Variants in SAP130 observed in about 807,000 individuals in gnomAD.
SAP130 encodes the protein histone deacetylase complex subunit SAP130.
Under a neutral mutation model 103.2 loss-of-function variants are expected in SAP130, and 16 were observed. That is an observed-to-expected ratio of 0.16 (90% CI 0.10 to 0.24). The LOEUF is 0.24. Among genes scored for constraint, SAP130 ranks in the 10% least tolerant of loss-of-function variants. SAP130 has a pLI of 1.00. For missense variants in SAP130, 990 were observed against 1,359.7 expected (o/e 0.73, Z 4.28); for synonymous variants, 477 against 497.0 (o/e 0.96, Z 0.53).
chr2:127,985,236 C>T (rs1015389147), intron 14 of SAP130, among the ~76,000 whole-genome samples: 2 of 152,178 alleles, frequency 1.3e-5, no homozygotes, highest in Non-Finnish European at 2.9e-5. Context: ...CAAGCTTTGC[C>T]TTGTGTTTTT....
At chr2:127,979,880 C>CTT (rs754881410) in intron 14 of SAP130, among the ~76,000 whole-genome samples, 7 of 139,230 alleles carry the variant, frequency 5.0e-5, no homozygotes, top group Admixed American at 7.2e-5. Flanking sequence ...AAATTTTTTT[C>CTT]TTTTTTTTTT....
chr2:128,017,183 G>A (rs1213026594), intron 3 of SAP130, among the ~76,000 whole-genome samples: 1 of 152,094 alleles, frequency 6.6e-6, no homozygotes, highest in Non-Finnish European at 1.5e-5. Flanking sequence ...TTAGCCAGGC[G>A]TAGTGACGTG....
intron 2 of SAP130, among the ~76,000 whole-genome samples, chr2:128,022,660 G>A (rs560514935): frequency 6.6e-6 from 1 of 152,248 alleles, no homozygotes; most frequent in South Asian, 2.1e-4. Context: ...TCTACTGGAT[G>A]TGCAGTAGTT....
In SAP130 at chr2:127,941,678, TAC is replaced by T. The variant is rs1372384783; in HGVS notation, c.*326_*327del. On this transcript the variant is annotated 3_prime_UTR_variant, in exon 21 of 21. Transcript: ENST00000643581. Reference sequence around the variant, plus strand: ...GGCCTGCAGGAATCCACTAGATAAATACAGTCTATAAACCGGAAGGCTGAAAA... The same window carrying T: ...GGCCTGCAGGAATCCACTAGATAAATAGTCTATAAACCGGAAGGCTGAAAA... 3.2e-6 allele frequency: 1 copy of T among 310,738 alleles called. No homozygotes were observed. Among genetic ancestry groups the T allele is most frequent in the South Asian group, 3.9e-5 (1 of 25,682 alleles). The allele number at this position is 310,738 out of a possible 1,614,324, so 19.2% of individuals were successfully genotyped here. A position where few individuals can be genotyped will look rare whatever the true frequency, so the allele number is the denominator to read the frequency against.
rs746529480 is a variant in SAP130, at chr2:127,986,744, C to G, written c.1958+41G>C. On this transcript the variant is annotated intron_variant, in intron 14 of 20. Transcript: ENST00000643581. This position sits in a 1 kb window ranked among gnomAD's most constrained non-coding sequence, Gnocchi z 4.7. ...GCCTATTATGTATACCAGTTATATC[C>G]AGAACCAGAGGTGTCATTCGGCACT... is the stretch of plus-strand genomic sequence containing the variant. 2.5e-6 allele frequency: 4 copies of G among 1,593,804 alleles called. No individual in the cohort carries two copies. Among genetic ancestry groups the G allele is most frequent in the Non-Finnish European group, 2.6e-6 (3 of 1,164,736 alleles).
At chr2:128,012,834 A>T (rs1398159839) in intron 6 of SAP130, among the ~76,000 whole-genome samples, 196 bp downstream of exon 6, 2 of 151,306 alleles carry the variant, frequency 1.3e-5, no homozygotes, top group Non-Finnish European at 2.9e-5. Flanking sequence ...TCGTTAGCAC[A>T]GCCTTTCCAA....
In SAP130 at chr2:127,986,757, G is replaced by A. The variant is rs776479486; in HGVS notation, c.1958+28C>T. The A allele has an allele frequency of 4.4e-6, 7 of 1,605,186 alleles. No homozygotes were observed. Among genetic ancestry groups the A allele is most frequent in the African/African-American group, 2.7e-5 (2 of 74,768 alleles). The stretch of plus-strand genomic sequence containing the variant: ...ACCAGTTATATCCAGAACCAGAGGT[G>A]TCATTCGGCACTACCAGGTCTACTC... On this transcript the variant is annotated intron_variant, in intron 14 of 20. Transcript: ENST00000643581. This position sits in a 1 kb window ranked among gnomAD's most constrained non-coding sequence, Gnocchi z 4.7.
chr2:128,003,126 A>C (rs1683690417), intron 7 of SAP130, among the ~76,000 whole-genome samples: 1 of 146,614 alleles, frequency 6.8e-6, no homozygotes, highest in South Asian at 2.2e-4. Flanking sequence ...AGAGGGTCTC[A>C]AAAAAAAAAA....
In SAP130 at chr2:127,996,554, T is replaced by C; in HGVS notation, c.1214-63A>G. ...ACTTTTTTTTGGCATGCCAAAACAT[T>C]CTTGGCTAGCAGCAATCTTAGGAAA... On this transcript the variant is annotated intron_variant, in intron 10 of 20. Transcript: ENST00000643581. This position sits in a 1 kb window ranked among gnomAD's most constrained non-coding sequence, Gnocchi z 4.3. 1 of 1,374,110 alleles carries C rather than the reference T, an allele frequency of 7.3e-7. No individual in the cohort carries two copies. Among genetic ancestry groups the C allele is most frequent in the Non-Finnish European group, 9.6e-7 (1 of 1,039,322 alleles). 85.1% of individuals were successfully genotyped at this position (1,374,110 alleles called of 1,614,324 possible).
At chr2:128,021,893 C>A (rs531384967) in intron 2 of SAP130, among the ~76,000 whole-genome samples, 1 of 152,236 alleles carries the variant, frequency 6.6e-6, no homozygotes, top group East Asian at 1.9e-4. Flanking sequence ...GTGATCCCAG[C>A]CCATTCATAT....
At chr2:127,978,957 A>C (rs976819438) in intron 14 of SAP130, among the ~76,000 whole-genome samples, 1 of 152,252 alleles carries the variant, frequency 6.6e-6, no homozygotes, top group Non-Finnish European at 1.5e-5. Context: ...GAGTTCTTTA[A>C]GAAGATACAT....
At chr2:128,020,721 G>A (rs552159800) in intron 2 of SAP130, among the ~76,000 whole-genome samples, 34 of 152,238 alleles carry the variant, frequency 2.2e-4, no homozygotes, top group African/African-American at 7.0e-4. Flanking sequence ...AAATGGGGCC[G>A]GGCACAGTGG....
intron 11 of SAP130, among the ~76,000 whole-genome samples, chr2:127,993,965 G>C (rs1682992548): frequency 6.6e-6 from 1 of 151,998 alleles, no homozygotes; most frequent in African/African-American, 2.4e-5. Flanking sequence ...ACTAATATTG[G>C]AACAGGAGAA....
chr2:128,010,706 C>CA (rs998352782), intron 6 of SAP130, among the ~76,000 whole-genome samples: 3 of 151,174 alleles, frequency 2.0e-5, no homozygotes, highest in East Asian at 1.9e-4. Flanking sequence ...ACTAAAAATA[C>CA]AAAAAAAATT....
At chr2:127,993,970 G>C (rs746814462) in intron 11 of SAP130, among the ~76,000 whole-genome samples, 1 of 152,000 alleles carries the variant, frequency 6.6e-6, no homozygotes, top group Non-Finnish European at 1.5e-5. Flanking sequence ...TATTGGAACA[G>C]GAGAATATGA....
intron 7 of SAP130, among the ~76,000 whole-genome samples, chr2:128,001,829 G>A (rs1253020769): frequency 6.6e-6 from 1 of 151,640 alleles, no homozygotes; most frequent in Non-Finnish European, 1.5e-5. Flanking sequence ...ATGAATGAGT[G>A]TAAAACCTCA....
chr2:127,984,927 T>TC (rs1019606544), intron 14 of SAP130, among the ~76,000 whole-genome samples: 1 of 152,218 alleles, frequency 6.6e-6, no homozygotes, highest in Non-Finnish European at 1.5e-5. Context: ...TAACTTATCC[T>TC]CCTTAAAGGA....
At position 127,989,102 on chromosome 2, in the gene SAP130, C is replaced by CT. The variant is rs1278062577; in HGVS notation, c.1780+461dup. ...CTAGGGCTGTTGATGTATACTGTAT[C>CT]TTTTTTTTTTTTTGGAGACAGAGTC... On this transcript the variant is annotated intron_variant, in intron 13 of 20. Coordinates refer to ENST00000643581, the MANE Select transcript of SAP130 (RefSeq NM_001330301.2). This position sits in a 1 kb window ranked among gnomAD's most constrained non-coding sequence, Gnocchi z 4.6. Among the ~76,000 whole-genome samples the CT allele has an allele frequency of 2.0e-3, 284 of 143,600 alleles. 1 individual carries two copies. The highest frequency in any genetic ancestry group is 7.3e-3 in the South Asian group (33 of 4,492). The allele number at this position is 143,600 out of a possible 152,430, so 94.2% of individuals were successfully genotyped here. A position where few individuals can be genotyped will look rare whatever the true frequency, so the allele number is the denominator to read the frequency against.
chr2:128,018,466 G>A (rs1414243524), intron 2 of SAP130, among the ~76,000 whole-genome samples: 2 of 126,368 alleles, frequency 1.6e-5, no homozygotes, highest in Non-Finnish European at 1.6e-5. Context: ...GCCTGGGCGA[G>A]AGAGGAAGAT....
Sources: gnomAD v4.1 joint callset for allele counts (sites outside exome capture counted in the v4.1 genomes callset) on GRCh38, gnomAD v4.1.1 for gene constraint, Gnocchi (gnomAD v3.1) non-coding constraint, MANE v1.5 for transcripts, NCBI Gene and HGNC (gene_info 2026-07-23, HGNC 2026-07-21) for gene names.